CNTROB: variants seen among roughly 807,000 people sequenced by gnomAD.
CNTROB encodes the protein centrobin.
A neutral mutation model predicts 115.7 loss-of-function variants in CNTROB; 82 were observed. The observed-to-expected ratio is 0.71, with a 90% CI of 0.59 to 0.85. The LOEUF is 0.85. CNTROB is among the 40% of genes least tolerant of loss of function. CNTROB has a pLI of 0.00. For missense variants in CNTROB, 1,014 were observed against 1,144.4 expected, an observed-to-expected ratio of 0.89 and a Z score of 1.64; for synonymous variants, 439 against 456.4, an observed-to-expected ratio of 0.96 and a Z score of 0.49.
In CNTROB at chr17:7,940,168, C is replaced by G; in HGVS notation, c.1237C>G (p.Arg413Gly). Reference sequence around the variant, plus strand: ...GTTGGCATTGGTGCAGTCTGAGGTGCGGCGGCTGGAAGGAGAGCTGGATAC... The same window carrying G: ...GTTGGCATTGGTGCAGTCTGAGGTGGGGCGGCTGGAAGGAGAGCTGGATAC... ...HQLALVQSEV[R>G]RLEGELDTAR... The change falls in exon 9 of 19, where the codon CGG (arginine) becomes GGG (glycine). Residue 413 changes from arginine (R) to glycine (G), a missense_variant. Arg to Gly is a moderately radical substitution (Grantham distance 125, BLOSUM62 -2). Transcript: ENST00000563694. The G allele has an allele frequency of 6.2e-7, 1 of 1,611,636 alleles. No homozygotes were observed.
chr17:7,935,241 C>T (rs938000500), intron 4 of CNTROB, 96 bp downstream of exon 4: 10 of 1,573,694 alleles, frequency 6.4e-6, no homozygotes, highest in South Asian at 5.6e-5. Flanking sequence ...TGGTGGCTCA[C>T]GCCTGTAATC....
chr17:7,944,299 T>G lies in CNTROB; in HGVS notation c.1571+51T>G, dbSNP rs1974257863. The G allele has an allele frequency of 6.3e-7, 1 of 1,598,902 alleles. No individual in the cohort carries two copies. Among genetic ancestry groups the G allele is most frequent in the Admixed American group, 1.7e-5 (1 of 59,966 alleles). ...CAGGCCCCAGCCCCTTTCCCATGGG[T>G]AGAGCCCAAACTGGGAACGGTGAAG... On this transcript the variant is annotated intron_variant, in intron 11 of 18. Coordinates refer to ENST00000563694, the MANE Select transcript of CNTROB (RefSeq NM_053051.5). The surrounding 1 kb of genome is among the most constrained non-coding windows in gnomAD (Gnocchi z 4.0).
Position 7,938,934 on chromosome 17 carries a change from A to G in CNTROB, c.928-579A>G, listed in dbSNP as rs139960089. ...GCTGGGAATACAGGTGTGCACCACC[A>G]TGCCCAGCTAATTTTTATATTTTTA... On this transcript the variant is annotated intron_variant, in intron 7 of 18. Coordinates refer to ENST00000563694, the MANE Select transcript of CNTROB (RefSeq NM_053051.5). Among the ~76,000 whole-genome samples the G allele has an allele frequency of 2.9e-3, 447 of 152,234 alleles. 2 individuals carry two copies. The highest frequency in any genetic ancestry group is 0.01 in the African/African-American group (426 of 41,522).
chr17:7,939,460 C>G lies in CNTROB; in HGVS notation c.928-53C>G. On this transcript the variant is annotated intron_variant, in intron 7 of 18. Coordinates refer to ENST00000563694, the MANE Select transcript of CNTROB (RefSeq NM_053051.5). The surrounding 1 kb of genome is among the most constrained non-coding windows in gnomAD (Gnocchi z 4.4). ...CTTGTATGAGGGTCAGAGGGCAGATCGCTGGTCTCTGAAGAGCCTACTAAG... is the reference window on the plus strand; with the variant it reads ...CTTGTATGAGGGTCAGAGGGCAGATGGCTGGTCTCTGAAGAGCCTACTAAG... 2 of 1,450,220 alleles carry G rather than the reference C, an allele frequency of 1.4e-6. No individual in the cohort carries two copies. Among genetic ancestry groups the G allele is most frequent in the Non-Finnish European group, 1.9e-6 (2 of 1,036,180 alleles). 89.8% of individuals were successfully genotyped at this position (1,450,220 alleles called of 1,614,324 possible). A position where few individuals can be genotyped will look rare whatever the true frequency, so the allele number is the denominator to read the frequency against.
At position 7,949,143 on chromosome 17, in the gene CNTROB, A is replaced by T; in HGVS notation, c.2572A>T (p.Ile858Phe). The change falls in exon 18 of 19, where the codon ATC becomes TTC. Residue 858 changes from isoleucine to phenylalanine, a missense_variant. Physicochemically the swap from Ile to Phe is conservative, Grantham distance 21 (BLOSUM62 0). Coordinates refer to ENST00000563694, the MANE Select transcript of CNTROB (RefSeq NM_053051.5). ...RRNTDSRLGE[I>F]PRKEIPSQAV... ...GAACACAGACTCCCGCTTGGGTGAG[A>T]TCCCCCGGAAAGAGGTGAGGGAAAG... is the stretch of plus-strand genomic sequence containing the variant. The T allele has an allele frequency of 6.2e-7, 1 of 1,614,048 alleles. No homozygotes were observed. The highest frequency in any genetic ancestry group is 8.5e-7 in the Non-Finnish European group (1 of 1,179,996).
chr17:7,937,449 C>T (rs527329160), intron 7 of CNTROB, among the ~76,000 whole-genome samples, 187 bp downstream of exon 7: 2 of 152,254 alleles, frequency 1.3e-5, no homozygotes, highest in South Asian at 4.1e-4. Flanking sequence ...GCTACCAAGT[C>T]GGTTTGAGAA....
At position 7,943,153 on chromosome 17, in the gene CNTROB, A is replaced by G. The variant is rs1262469452; in HGVS notation, c.1312-238A>G. ...AATGGATTTGATTGCTCTGTCGAAC[A>G]TTTATTTTAGCTAAGAAATTTATGT... On this transcript the variant is annotated intron_variant, in intron 9 of 18. Coordinates refer to ENST00000563694, the MANE Select transcript of CNTROB (RefSeq NM_053051.5). This position sits in a 1 kb window ranked among gnomAD's most constrained non-coding sequence, Gnocchi z 4.7. 6.6e-6 allele frequency among the ~76,000 whole-genome samples: 1 copy of G among 152,128 alleles called. No individual in the cohort carries two copies. Among genetic ancestry groups the G allele is most frequent in the African/African-American group, 2.4e-5 (1 of 41,434 alleles).
Position 7,948,564 on chromosome 17 carries a change from G to A in CNTROB, c.2458G>A (p.Gly820Arg), listed in dbSNP as rs541448932. 30 of 1,614,098 alleles carry A rather than the reference G, an allele frequency of 1.9e-5. No individual in the cohort carries two copies. Among genetic ancestry groups the A allele is most frequent in the Non-Finnish European group, 2.4e-5 (28 of 1,180,048 alleles). The change falls in exon 17 of 19, where the codon GGG (glycine) becomes AGG (arginine). Residue 820 changes from glycine to arginine, a missense_variant. Transcript: ENST00000563694. This position sits in a 1 kb window ranked among gnomAD's most constrained non-coding sequence, Gnocchi z 4.4. ...LLRLYQARGW[G>R]ALPAEDLLLY... The stretch of plus-strand genomic sequence containing the variant: ...GCGACTCTACCAGGCTCGGGGCTGG[G>A]GGGCTCTGCCTGCTGAGGATCTCCT...
chr17:7,946,036 C>T, intron 13 of CNTROB, 50 bp downstream of exon 13: 2 of 1,543,998 alleles, frequency 1.3e-6, no homozygotes, highest in South Asian at 1.1e-5. Context: ...CATGAATTGG[C>T]TCCCTCTTTC....
In CNTROB at chr17:7,936,709, C is replaced by T; in HGVS notation, c.720C>T (p.Ala240=). The change falls in exon 6 of 19, where the codon GCC becomes GCT. Residue 240 remains alanine, a synonymous_variant. Transcript: ENST00000563694. ...TMIEQLDKTL[A]RVVEGWNRHE... ...TACTTGCCCTACCTAAGACCCTGGC[C>T]CGTGTGGTGGAGGGCTGGAACCGGC... 7.0e-7 allele frequency: 1 copy of T among 1,435,352 alleles called. No homozygotes were observed. 88.9% of individuals were successfully genotyped at this position (1,435,352 alleles called of 1,614,324 possible).
Position 7,939,866 on chromosome 17 carries a change from G to A in CNTROB, c.1164+117G>A. On this transcript the variant is annotated intron_variant, in intron 8 of 18. Transcript: ENST00000563694. The surrounding 1 kb of genome is among the most constrained non-coding windows in gnomAD (Gnocchi z 4.4). ...CATATAGGCAGGAATGGAGAGTAGAGAGCCATGTGTGGGAGACAAGGTTGA... is the reference window on the plus strand; with the variant it reads ...CATATAGGCAGGAATGGAGAGTAGAAAGCCATGTGTGGGAGACAAGGTTGA... 1 of 1,130,858 alleles carries A rather than the reference G, an allele frequency of 8.8e-7. No homozygotes were observed. Among genetic ancestry groups the A allele is most frequent in the South Asian group, 1.4e-5 (1 of 70,818 alleles). The allele number at this position is 1,130,858 out of a possible 1,614,324, so 70.1% of individuals were successfully genotyped here. A position where few individuals can be genotyped will look rare whatever the true frequency, so the allele number is the denominator to read the frequency against.
rs1430993705 is a variant in CNTROB at position 7,939,441 on chromosome 17, TG to T, written c.928-71del. 2 of 1,259,478 alleles carry T rather than the reference TG, an allele frequency of 1.6e-6. No homozygotes were observed. The highest frequency in any genetic ancestry group is 3.0e-5 in the African/African-American group (2 of 67,310). The allele number at this position is 1,259,478 out of a possible 1,614,324, so 78.0% of individuals were successfully genotyped here. A position where few individuals can be genotyped will look rare whatever the true frequency, so the allele number is the denominator to read the frequency against. On this transcript the variant is annotated intron_variant, in intron 7 of 18. Transcript: ENST00000563694. The surrounding 1 kb of genome is among the most constrained non-coding windows in gnomAD (Gnocchi z 4.4). ...CATAATTCTCAGCAGGCACCTTGTA[TG>T]AGGGTCAGAGGGCAGATCGCTGGTC...
Position 7,939,694 on chromosome 17 carries a change from AG to A in CNTROB, c.1111del (p.Glu371AsnfsTer63), listed in dbSNP as rs761951319. The A allele has an allele frequency of 1.9e-6, 3 of 1,614,182 alleles. No individual in the cohort carries two copies. Among genetic ancestry groups the A allele is most frequent in the Non-Finnish European group, 2.5e-6 (3 of 1,180,040 alleles). On this transcript the variant is annotated frameshift_variant, in exon 8 of 19. Coordinates refer to ENST00000563694, the MANE Select transcript of CNTROB (RefSeq NM_053051.5). LOFTEE classifies it high-confidence loss of function. This position sits in a 1 kb window ranked among gnomAD's most constrained non-coding sequence, Gnocchi z 4.4. ...QTWAQQEHQL[K>X]EHYQALQEES... ...TGGGCCCAGCAAGAGCACCAGCTTA[AG>A]GAACACTACCAGGCGCTGCAGGAGG...
At chr17:7,938,268 G>T (rs948897627) in intron 7 of CNTROB, among the ~76,000 whole-genome samples, 1 of 152,138 alleles carries the variant, frequency 6.6e-6, no homozygotes, top group Non-Finnish European at 1.5e-5. Context: ...GCCTCCCAAA[G>T]TGCTGGGATT....
In CNTROB at chr17:7,943,577, G is replaced by T; in HGVS notation, c.1445+53G>T. 1 of 1,568,176 alleles carries T rather than the reference G, an allele frequency of 6.4e-7. No homozygotes were observed. The highest frequency in any genetic ancestry group is 8.7e-7 in the Non-Finnish European group (1 of 1,150,436). On this transcript the variant is annotated intron_variant, in intron 10 of 18. Coordinates refer to ENST00000563694, the MANE Select transcript of CNTROB (RefSeq NM_053051.5). This position sits in a 1 kb window ranked among gnomAD's most constrained non-coding sequence, Gnocchi z 4.7. Reference sequence around the variant, plus strand: ...CTCTCAGCCACAGCACGTATCGTTAGTGCCAGGCCTGTGTTCCCTTCAATC... The same window carrying T: ...CTCTCAGCCACAGCACGTATCGTTATTGCCAGGCCTGTGTTCCCTTCAATC...
At position 7,945,729 on chromosome 17, in the gene CNTROB, C is replaced by T. The variant is rs769027244; in HGVS notation, c.1736C>T (p.Ala579Val). 1.7e-5 allele frequency: 27 copies of T among 1,613,676 alleles called. No individual in the cohort carries two copies. The highest frequency in any genetic ancestry group is 4.0e-5 in the African/African-American group (3 of 74,928). The change falls in exon 13 of 19, where the codon GCT (alanine) becomes GTT (valine). Residue 579 changes from alanine to valine, a missense_variant and splice_region_variant. Ala to Val is a moderately conservative substitution (Grantham distance 64). Transcript: ENST00000563694. The stretch of plus-strand genomic sequence containing the variant: ...TCTTTCTGCCTCTCTCCTGGTCAGG[C>T]TCCTCCTGCTGGACCCTCCAGCCCC... Reference protein sequence around the residue: ...STTLPPPNPPAPPAGPSSPGP... With the variant: ...STTLPPPNPPVPPAGPSSPGP...
At position 7,943,957 on chromosome 17, in the gene CNTROB, A is replaced by T. The variant is rs1974213012; in HGVS notation, c.1446-166A>T. Among the ~76,000 whole-genome samples the T allele has an allele frequency of 6.6e-6, 1 of 152,064 alleles. No individual in the cohort carries two copies. Among genetic ancestry groups the T allele is most frequent in the Non-Finnish European group, 1.5e-5 (1 of 67,962 alleles). ...TTATTTAAGTCTCTGCTTCTGAGGA[A>T]CCCATCCTAAGACCCCAGCTTTGTC... On this transcript the variant is annotated intron_variant, in intron 10 of 18. Coordinates refer to ENST00000563694, the MANE Select transcript of CNTROB (RefSeq NM_053051.5). The surrounding 1 kb of genome is among the most constrained non-coding windows in gnomAD (Gnocchi z 4.7).
At position 7,933,086 on chromosome 17, in the gene CNTROB, A is replaced by G. The variant is rs149759345; in HGVS notation, c.7A>G (p.Thr3Ala). The change falls in exon 1 of 19, where the codon ACA becomes GCA. Residue 3 changes from threonine to alanine, a missense_variant. Coordinates refer to ENST00000563694, the MANE Select transcript of CNTROB (RefSeq NM_053051.5). MATSADSPSSPLG... is the reference protein window; with the variant it reads MAASADSPSSPLG... Reference sequence around the variant, plus strand: ...TTGTCTCTTCCCTGTATTCATGGCAACATCAGCTGACAGCCCCAGTTCACC... The same window carrying G: ...TTGTCTCTTCCCTGTATTCATGGCAGCATCAGCTGACAGCCCCAGTTCACC... 4.3e-6 allele frequency: 7 copies of G among 1,613,522 alleles called. No individual in the cohort carries two copies. The African/African-American group carries it at 9.4e-5, about 22-fold the overall frequency.
chr17:7,934,808 C>T (rs1469772908), intron 3 of CNTROB, 181 bp from the exon 4 acceptor site: 3 of 774,452 alleles, frequency 3.9e-6, no homozygotes, highest in Non-Finnish European at 6.1e-6. Context: ...TCTGCTGAAA[C>T]CTTTAAGTGA....
Sources: allele counts gnomAD v4.1 joint callset (sites outside exome capture counted in the v4.1 genomes callset), GRCh38; gene constraint gnomAD v4.1.1; non-coding constraint Gnocchi (gnomAD v3.1); transcripts MANE v1.5; gene names NCBI Gene and HGNC (gene_info 2026-07-23, HGNC 2026-07-21).